The following INTS13 variants were observed in gnomAD, a reference collection of about 807,000 sequenced individuals.
The protein encoded by INTS13 is integrator complex subunit 13.
Under a neutral mutation model 90.2 loss-of-function variants are expected in INTS13, and 35 were observed. The ratio of observed to expected loss-of-function variants is 0.39; its 90% CI spans 0.30 to 0.51. The LOEUF (loss-of-function observed/expected upper bound fraction) is 0.51. INTS13 is among the 20% of genes least tolerant of loss of function. The probability of loss-of-function intolerance (pLI) is 0.80; values close to 1 mark genes in which losing one functional copy is unlikely to be tolerated. For synonymous variants in INTS13, 309 were observed against 277.1 expected, an observed-to-expected ratio of 1.11 and a Z score of -1.14; for missense variants, 601 against 851.2, an observed-to-expected ratio of 0.71 and a Z score of 3.66.
At chr12:26,908,583 G>A (rs958576436) in intron 15 of INTS13, among the ~76,000 whole-genome samples, 17 of 150,876 alleles carry the variant, frequency 1.1e-4, no homozygotes, top group Admixed American at 6.0e-4. Flanking sequence ...TTGAATAGAC[G>A]TTTGCCAAAT....
Position 26,914,138 on chromosome 12 carries a change from T to A in INTS13, c.1420-10A>T. 1 of 1,555,808 alleles carries A rather than the reference T, an allele frequency of 6.4e-7. No individual in the cohort carries two copies. Among genetic ancestry groups the A allele is most frequent in the Non-Finnish European group, 8.6e-7 (1 of 1,160,106 alleles). On this transcript the variant is annotated splice_polypyrimidine_tract_variant and intron_variant, in intron 12 of 16. Coordinates refer to ENST00000261191, the MANE Select transcript of INTS13 (RefSeq NM_018164.3). ...TGGCTAATGGAACTACCTGTTAGAT[T>A]TTTTTTAAAGAAAAAAGAAAATCTG...
In INTS13 at chr12:26,906,349, A is replaced by AT. The variant is rs1407557568; in HGVS notation, c.2033_2034insA (p.Val679CysfsTer2). On this transcript the variant is annotated frameshift_variant, in exon 16 of 17. Coordinates refer to ENST00000261191, the MANE Select transcript of INTS13 (RefSeq NM_018164.3). LOFTEE classifies it high-confidence loss of function. ...GATATAGTTCAGCTCTGTTATTAAC[A>AT]GAGTTCAAACGTCCAGCAAATTCCT... The AT allele has an allele frequency of 6.2e-7, 1 of 1,612,984 alleles. No individual in the cohort carries two copies. Among genetic ancestry groups the AT allele is most frequent in the South Asian group, 1.1e-5 (1 of 90,824 alleles).
chr12:26,914,297 T>C, intron 12 of INTS13, 111 bp downstream of exon 12: 3 of 1,248,766 alleles, frequency 2.4e-6, no homozygotes, highest in South Asian at 1.6e-5. Context: ...AGCAAGCTCA[T>C]ATATTTCATT....
chr12:26,924,762 TTA>T (rs1432928323), intron 6 of INTS13, among the ~76,000 whole-genome samples: 1 of 152,146 alleles, frequency 6.6e-6, no homozygotes, highest in Non-Finnish European at 1.5e-5. Context: ...CTCCTGAAAT[TTA>T]GAGTGAAATA....
chr12:26,915,378 T>G (rs1028547760), intron 11 of INTS13, among the ~76,000 whole-genome samples: 1 of 152,220 alleles, frequency 6.6e-6, no homozygotes, highest in Admixed American at 6.5e-5. Flanking sequence ...TAAATATTGA[T>G]TAGGCTTCTC....
chr12:26,905,633 CACAGAACAGA>C, intron 16 of INTS13, 97 bp from the exon 17 acceptor site: 1 of 1,190,154 alleles, frequency 8.4e-7, no homozygotes, highest in Non-Finnish European at 1.2e-6. Context: ...ATAATATATT[CACAGAACAGA>C]ACATCAGCAT....
In INTS13 at chr12:26,925,907, A is replaced by G. The variant is rs1592221998; in HGVS notation, c.585-56T>C. The G allele has an allele frequency of 3.1e-6, 4 of 1,290,872 alleles. No homozygotes were observed. In the East Asian group the frequency reaches 9.3e-5, roughly 30 times the overall value. 80.0% of individuals were successfully genotyped at this position (1,290,872 alleles called of 1,614,324 possible). On this transcript the variant is annotated intron_variant, in intron 5 of 16. Coordinates refer to ENST00000261191, the MANE Select transcript of INTS13 (RefSeq NM_018164.3). ...AGAATACATAGTATGTAAAGAATTC[A>G]AGCAGGTAAACTACTAAAACCTTAA...
intron 3 of INTS13, among the ~76,000 whole-genome samples, chr12:26,931,770 G>A (rs1353182852): frequency 2.0e-5 from 3 of 152,018 alleles, no homozygotes; most frequent in Non-Finnish European, 2.9e-5. Context: ...TAAAATCGAA[G>A]TAAAAGATTT....
chr12:26,910,091 A>G (rs1023633640), intron 15 of INTS13, among the ~76,000 whole-genome samples: 2 of 152,228 alleles, frequency 1.3e-5, no homozygotes, highest in Non-Finnish European at 2.9e-5. Context: ...AGGAAACTAA[A>G]CTTTTTAGCC....
intron 10 of INTS13, among the ~76,000 whole-genome samples, chr12:26,917,106 A>G (rs1951959550): frequency 6.6e-6 from 1 of 152,110 alleles, no homozygotes. Flanking sequence ...AAACCTGCTT[A>G]GATGCAATAG....
chr12:26,927,079 T>C (rs1276192892), intron 5 of INTS13, among the ~76,000 whole-genome samples: 1 of 152,256 alleles, frequency 6.6e-6, no homozygotes, highest in Non-Finnish European at 1.5e-5. Context: ...CAGAACCTGA[T>C]GCACTTGGGA....
intron 3 of INTS13, among the ~76,000 whole-genome samples, chr12:26,933,945 G>C (rs561542999): frequency 1.2e-3 from 177 of 152,260 alleles, no homozygotes; most frequent in South Asian, 1.5e-3. Flanking sequence ...GCTTAACAGT[G>C]AATAATACTT....
At chr12:26,927,726 C>T (rs916920833) in intron 5 of INTS13, among the ~76,000 whole-genome samples, 3 of 152,178 alleles carry the variant, frequency 2.0e-5, no homozygotes, top group African/African-American at 7.2e-5. Flanking sequence ...AGCAATTTTC[C>T]TGCCTCAGCT....
chr12:26,923,344 G>C (rs1304205250), intron 7 of INTS13, among the ~76,000 whole-genome samples: 2 of 152,024 alleles, frequency 1.3e-5, no homozygotes, highest in Non-Finnish European at 2.9e-5. Flanking sequence ...ATTTACTTCT[G>C]CATCCAAAAG....
chr12:26,928,990 T>C (rs1938041235), intron 3 of INTS13, 85 bp from the exon 4 acceptor site: 1 of 1,197,108 alleles, frequency 8.4e-7, no homozygotes, highest in Non-Finnish European at 1.2e-6. Flanking sequence ...TACACACCAA[T>C]GTATCTTACA....
intron 11 of INTS13, among the ~76,000 whole-genome samples, chr12:26,915,575 T>C (rs1291948825): frequency 6.6e-6 from 1 of 152,120 alleles, no homozygotes; most frequent in Non-Finnish European, 1.5e-5. Context: ...AAAATCAAGA[T>C]TAGAACAGAA....
intron 15 of INTS13, among the ~76,000 whole-genome samples, chr12:26,910,835 GA>G (rs1214479985): frequency 6.6e-6 from 1 of 151,726 alleles, no homozygotes; most frequent in Non-Finnish European, 1.5e-5. Flanking sequence ...AGCTTCATTG[GA>G]AAATTTTTTT....
intron 14 of INTS13, among the ~76,000 whole-genome samples, chr12:26,913,245 ACT>A (rs1951839595): frequency 6.6e-6 from 1 of 152,224 alleles, no homozygotes; most frequent in African/African-American, 2.4e-5. Context: ...AAAAACTAAC[ACT>A]AACTTTGCCC....
chr12:26,913,757 CAAAT>C (rs2137434215), intron 13 of INTS13, 70 bp from the exon 14 acceptor site: 1 of 1,363,516 alleles, frequency 7.3e-7, no homozygotes, highest in Admixed American at 2.1e-5. Context: ...AAAGTAAAAA[CAAAT>C]AATGAAATGT....
Sources: gnomAD v4.1 joint callset for allele counts (sites outside exome capture counted in the v4.1 genomes callset) on GRCh38, gnomAD v4.1.1 for gene constraint, MANE v1.5 for transcripts, NCBI Gene and HGNC (gene_info 2026-07-23, HGNC 2026-07-21) for gene names.